CC2D2A: variants seen among roughly 807,000 people sequenced by gnomAD.
CC2D2A encodes the protein coiled-coil and C2 domain containing 2A.
Under a neutral mutation model 212.9 loss-of-function variants are expected in CC2D2A, and 155 were observed. That is an observed-to-expected ratio of 0.73 (90% confidence interval 0.64 to 0.83). CC2D2A has a LOEUF of 0.83. CC2D2A is among the 40% of genes least tolerant of loss of function. CC2D2A has a pLI of 0.00. For synonymous variants in CC2D2A, 667 were observed against 686.5 expected, an observed-to-expected ratio of 0.97 and a Z score of 0.44; for missense variants, 1,856 against 1,956.2, an observed-to-expected ratio of 0.95 and a Z score of 0.97.
chr4:15,557,283 T>G, intron 20 of CC2D2A, 21 bp from the exon 21 acceptor site: 1 of 1,578,942 alleles, frequency 6.3e-7, no homozygotes, highest in Non-Finnish European at 8.7e-7. Flanking sequence ...TCTGGAGTTT[T>G]GCATTTTCCG....
intron 6 of CC2D2A, among the ~76,000 whole-genome samples, chr4:15,504,870 C>T (rs954261084): frequency 2.6e-5 from 4 of 152,258 alleles, no homozygotes; most frequent in Non-Finnish European, 5.9e-5. Flanking sequence ...TCTAAAAAAT[C>T]GTTCAATATA....
intron 14 of CC2D2A, among the ~76,000 whole-genome samples, chr4:15,534,628 T>G (rs144361794): frequency 2.0e-5 from 3 of 152,226 alleles, no homozygotes; most frequent in African/African-American, 7.2e-5. Flanking sequence ...GGATAAGTGT[T>G]GTACCCATAT....
At chr4:15,574,085 A>C in intron 28 of CC2D2A, 65 bp from the exon 29 acceptor site, 1 of 1,360,586 alleles carries the variant, frequency 7.3e-7, no homozygotes, top group South Asian at 1.5e-5. Flanking sequence ...AGGAGTTGAC[A>C]CTTGCCTCTC....
intron 24 of CC2D2A, among the ~76,000 whole-genome samples, chr4:15,567,055 G>C (rs1196131327): frequency 2.8e-4 from 43 of 151,970 alleles, no homozygotes; most frequent in Admixed American, 2.8e-3. Flanking sequence ...GGCCAAAGTG[G>C]GCAGATTACT....
At chr4:15,581,736 A>C (rs1720672302) in intron 30 of CC2D2A, among the ~76,000 whole-genome samples, 1 of 152,262 alleles carries the variant, frequency 6.6e-6, no homozygotes, top group South Asian at 2.1e-4. Context: ...ACTGGAATTT[A>C]TACTACCTGT....
intron 11 of CC2D2A, among the ~76,000 whole-genome samples, chr4:15,517,234 A>C (rs994805608): frequency 6.6e-6 from 1 of 151,824 alleles, no homozygotes; most frequent in African/African-American, 2.4e-5. Flanking sequence ...GGTGTGAGCC[A>C]CCGCGCCCAG....
At chr4:15,545,914 C>T (rs1239120501) in intron 17 of CC2D2A, among the ~76,000 whole-genome samples, 1 of 151,988 alleles carries the variant, frequency 6.6e-6, no homozygotes, top group Non-Finnish European at 1.5e-5. Context: ...TTTGAGACCA[C>T]CCTGTGCAAC....
intron 1 of CC2D2A, 68 bp from the exon 2 acceptor site, chr4:15,475,847 A>G: frequency 8.1e-7 from 1 of 1,230,606 alleles, no homozygotes; most frequent in South Asian, 1.3e-5. Flanking sequence ...CCTCTTACAT[A>G]TCCATAGTAA....
chr4:15,484,581 G>A (rs1261651788), intron 4 of CC2D2A, among the ~76,000 whole-genome samples: 1 of 152,126 alleles, frequency 6.6e-6, no homozygotes, highest in East Asian at 1.9e-4. Context: ...GTAGTGGAAG[G>A]GGTGGAAAGA....
At chr4:15,489,885 G>A (rs1375857796) in intron 4 of CC2D2A, among the ~76,000 whole-genome samples, 1 of 152,146 alleles carries the variant, frequency 6.6e-6, no homozygotes, top group Non-Finnish European at 1.5e-5. Context: ...CTCACTGGCT[G>A]TACCTCTTTC....
At chr4:15,586,838 T>A (rs1577396804) in intron 31 of CC2D2A, among the ~76,000 whole-genome samples, 1 of 152,238 alleles carries the variant, frequency 6.6e-6, no homozygotes, top group East Asian at 1.9e-4. Context: ...TGCTTTTGCA[T>A]AAAACTGAAC....
intron 11 of CC2D2A, among the ~76,000 whole-genome samples, chr4:15,522,167 C>A (rs181851859): frequency 6.6e-6 from 1 of 152,204 alleles, no homozygotes; most frequent in Non-Finnish European, 1.5e-5. Context: ...CACCACTGCA[C>A]GCCAGCTTGG....
Position 15,569,361 on chromosome 4 carries a change from T to C in CC2D2A, c.3467T>C (p.Phe1156Ser), listed in dbSNP as rs760298196. ...AAAGATGTTGTGTTCATTAACATTT[T>C]TGATGAAGTACTGCATGATGTCTTA... ...SVKDVVFINI[F>S]DEVLHDVLED... is the part of the protein sequence containing the mutation. Residue 1156 changes from phenylalanine to serine, a missense_variant, in exon 27 of 37, where the codon TTT (phenylalanine) becomes TCT (serine). Around this residue, in one of 5 missense-constraint regions of CC2D2A, gnomAD observed 1,512 missense variants for 1,579.3 expected, o/e 0.96. Coordinates refer to ENST00000424120, the MANE Select transcript of CC2D2A (RefSeq NM_001378615.1). The C allele has an allele frequency of 1.3e-6, 2 of 1,576,964 alleles. No individual in the cohort carries two copies. Among genetic ancestry groups the C allele is most frequent in the Non-Finnish European group, 1.7e-6 (2 of 1,159,008 alleles).
chr4:15,499,881 TA>T (rs1560151705), intron 4 of CC2D2A, among the ~76,000 whole-genome samples: 2 of 152,046 alleles, frequency 1.3e-5, no homozygotes, highest in Non-Finnish European at 1.5e-5. Context: ...TGCTTAGTGA[TA>T]CTTAACAGTG....
At chr4:15,555,347 C>T (rs945968823) in intron 20 of CC2D2A, 137 bp downstream of exon 20, 3 of 1,114,280 alleles carry the variant, frequency 2.7e-6, no homozygotes, top group Admixed American at 5.2e-5. Flanking sequence ...TCCAGCTGTG[C>T]TTCTTGCCTG....
chr4:15,511,605 C>CTGT, intron 8 of CC2D2A, 182 bp downstream of exon 8: 1 of 462,608 alleles, frequency 2.2e-6, no homozygotes, highest in Non-Finnish European at 3.7e-6. Flanking sequence ...TGGGTTAGAC[C>CTGT]CTACAATGTG....
chr4:15,547,697 A>T (rs1718782169), intron 17 of CC2D2A, among the ~76,000 whole-genome samples: 1 of 152,220 alleles, frequency 6.6e-6, no homozygotes, highest in Non-Finnish European at 1.5e-5. Context: ...CTTAAAGCCC[A>T]AAGTACCCAT....
intron 24 of CC2D2A, chr4:15,563,870 T>C (rs998542565): frequency 1.3e-5 from 3 of 224,402 alleles, no homozygotes; most frequent in African/African-American, 4.5e-5. Flanking sequence ...AAGTGGCCCA[T>C]GCAGCTAGAG....
chr4:15,580,064 G>A lies in CC2D2A; in HGVS notation c.3868G>A (p.Val1290Ile). 1 of 1,613,912 alleles carries A rather than the reference G, an allele frequency of 6.2e-7. No individual in the cohort carries two copies. The highest frequency in any genetic ancestry group is 8.5e-7 in the Non-Finnish European group (1 of 1,179,832). The stretch of plus-strand genomic sequence containing the variant: ...TCCAAATCGTCAGTGCCTTACAACA[G>A]TAATTGATATAAGCGGAAAAACTGT... Reference protein sequence around the residue: ...KFPNRQCLTTVIDISGKTVFI... With the variant: ...KFPNRQCLTTIIDISGKTVFI... Residue 1290 changes from valine to isoleucine, a missense_variant, in exon 30 of 37, where the codon GTA becomes ATA. Physicochemically the swap from Val to Ile is conservative, Grantham distance 29 (BLOSUM62 3). This residue lies in a region of CC2D2A where 1,512 missense variants were observed against 1,579.3 expected (regional missense o/e 0.96). Transcript: ENST00000424120.
Sources: allele counts gnomAD v4.1 joint callset (sites outside exome capture counted in the v4.1 genomes callset), GRCh38; gene constraint gnomAD v4.1.1; regional missense constraint gnomAD v4.1.1; transcripts MANE v1.5; gene names NCBI Gene and HGNC (gene_info 2026-07-23, HGNC 2026-07-21).